The following HPSE2 variants were observed in gnomAD, a reference collection of about 807,000 sequenced individuals.
The protein encoded by HPSE2 is inactive heparanase-2.
A neutral mutation model predicts 60.5 loss-of-function variants in HPSE2; 38 were observed. The observed-to-expected ratio is 0.63, with a 90% CI of 0.48 to 0.82. HPSE2 has a LOEUF of 0.82. HPSE2 is among the 40% of genes least tolerant of loss of function. The probability of loss-of-function intolerance (pLI) is 0.00; values close to 1 mark genes in which losing one functional copy is unlikely to be tolerated. For missense variants in HPSE2, 713 were observed against 740.4 expected (o/e 0.96, Z 0.43); for synonymous variants, 295 against 293.2 (o/e 1.01, Z -0.06).
At chr10:99,002,057 C>T (rs1956789840) in intron 3 of HPSE2, among the ~76,000 whole-genome samples, 1 of 152,074 alleles carries the variant, frequency 6.6e-6, no homozygotes, top group African/African-American at 2.4e-5. Context: ...AAAGCAACTA[C>T]TCATCAACAA....
intron 3 of HPSE2, among the ~76,000 whole-genome samples, chr10:98,797,221 A>G (rs1254557714): frequency 6.6e-6 from 1 of 152,214 alleles, no homozygotes; most frequent in Admixed American, 6.5e-5. Flanking sequence ...TGTTTTAAGC[A>G]AACTCGAAAG....
chr10:99,094,540 A>ATATATTTT (rs1843646305), intron 3 of HPSE2, among the ~76,000 whole-genome samples: 1 of 26,612 alleles, frequency 3.8e-5, no homozygotes, highest in African/African-American at 1.7e-4. Flanking sequence ...ATATATATAT[A>ATATATTTT]TTTTTTTTTT....
the HPSE2 span, among the ~76,000 whole-genome samples, chr10:99,302,045 T>C: frequency 6.6e-5 from 10 of 151,942 alleles, no homozygotes; most frequent in Non-Finnish European, 1.3e-4. Context: ...CCCTGCCTAA[T>C]CCTGATGTTG....
chr10:99,047,134 A>G (rs1240375853), intron 3 of HPSE2, among the ~76,000 whole-genome samples: 2 of 152,212 alleles, frequency 1.3e-5, no homozygotes, highest in African/African-American at 4.8e-5. Flanking sequence ...ACACAGATCC[A>G]TGAAACAGAG....
chr10:98,814,788 C>T (rs577919280), intron 3 of HPSE2, among the ~76,000 whole-genome samples: 1 of 152,306 alleles, frequency 6.6e-6, no homozygotes, highest in East Asian at 1.9e-4. Context: ...GCCAATAAAA[C>T]AGCCATTATT....
intron 6 of HPSE2, among the ~76,000 whole-genome samples, chr10:98,663,589 T>A (rs1301602662): frequency 1.3e-5 from 2 of 152,142 alleles, no homozygotes; most frequent in Non-Finnish European, 2.9e-5. Context: ...TGCCCTGGAC[T>A]AGTGCAGAGC....
chr10:99,134,882 T>C (rs1845582680), intron 3 of HPSE2, among the ~76,000 whole-genome samples: 1 of 152,102 alleles, frequency 6.6e-6, no homozygotes, highest in Non-Finnish European at 1.5e-5. Context: ...ACCTTAAATG[T>C]AAACAGACTA....
chr10:99,306,928 T>C, the HPSE2 span, among the ~76,000 whole-genome samples: 1 of 152,128 alleles, frequency 6.6e-6, no homozygotes, highest in East Asian at 1.9e-4. Context: ...CAGGCTGGTC[T>C]CGAACGCCCG....
chr10:98,873,590 C>A (rs1952791041), intron 3 of HPSE2, among the ~76,000 whole-genome samples: 1 of 151,964 alleles, frequency 6.6e-6, no homozygotes, highest in South Asian at 2.1e-4. Flanking sequence ...ATTTATGTAC[C>A]ACTTTTTCTT....
intron 3 of HPSE2, among the ~76,000 whole-genome samples, chr10:98,841,416 T>A (rs971160417): frequency 6.6e-6 from 1 of 152,214 alleles, no homozygotes; most frequent in Non-Finnish European, 1.5e-5. Flanking sequence ...TACAGTTTGA[T>A]CATACCTATG....
intron 9 of HPSE2, among the ~76,000 whole-genome samples, chr10:98,575,562 T>C (rs1173338624): frequency 6.6e-6 from 1 of 152,262 alleles, no homozygotes; most frequent in Non-Finnish European, 1.5e-5. Context: ...AAGCATTTCA[T>C]ATTTATTATT....
chr10:98,850,273 T>G (rs1238021524), intron 3 of HPSE2, among the ~76,000 whole-genome samples: 5 of 152,140 alleles, frequency 3.3e-5, no homozygotes, highest in Non-Finnish European at 7.4e-5. Flanking sequence ...TATCTGACAT[T>G]GTTCAACAGA....
chr10:98,799,054 T>C (rs1950845404), intron 3 of HPSE2, among the ~76,000 whole-genome samples: 1 of 152,076 alleles, frequency 6.6e-6, no homozygotes, highest in Non-Finnish European at 1.5e-5. Context: ...ACACTTCACC[T>C]ATAAAGATAC....
chr10:99,210,066 T>A (rs1218964604), intron 2 of HPSE2, among the ~76,000 whole-genome samples: 1 of 151,946 alleles, frequency 6.6e-6, no homozygotes. Flanking sequence ...CTAAAATAAA[T>A]AAAATTATAA....
chr10:99,248,544 G>C, the HPSE2 span, among the ~76,000 whole-genome samples: 4 of 152,342 alleles, frequency 2.6e-5, no homozygotes, highest in Admixed American at 2.0e-4. Flanking sequence ...ATTTAAAAGG[G>C]AGGTGTAAAA....
At chr10:98,464,064 C>T (rs145639017) in intron 11 of HPSE2, among the ~76,000 whole-genome samples, 1 of 152,090 alleles carries the variant, frequency 6.6e-6, no homozygotes, top group East Asian at 2.0e-4. Context: ...TTGCAGTGAG[C>T]CAGACTGCAC....
chr10:98,692,630 A>G (rs1948105483), intron 6 of HPSE2, among the ~76,000 whole-genome samples: 2 of 152,040 alleles, frequency 1.3e-5, no homozygotes, highest in Admixed American at 1.3e-4. Context: ...TTAGCCGGGC[A>G]TGGGGGCGGG....
At chr10:98,684,708 G>A (rs1279652548) in intron 6 of HPSE2, among the ~76,000 whole-genome samples, 1 of 152,124 alleles carries the variant, frequency 6.6e-6, no homozygotes, top group Non-Finnish European at 1.5e-5. Context: ...TGTCAGAAGT[G>A]CCTAACACTG....
At chr10:99,175,149 C>G (rs919535567) in intron 2 of HPSE2, among the ~76,000 whole-genome samples, 1 of 152,230 alleles carries the variant, frequency 6.6e-6, no homozygotes, top group East Asian at 1.9e-4. Context: ...GGTGCCTATA[C>G]CACCAGGGCC....
Sources: gnomAD v4.1 joint callset for allele counts (sites outside exome capture counted in the v4.1 genomes callset) on GRCh38, gnomAD v4.1.1 for gene constraint, MANE v1.5 for transcripts, NCBI Gene and HGNC (gene_info 2026-07-23, HGNC 2026-07-21) for gene names.